The following ANKS1B variants were observed in gnomAD, a reference collection of about 807,000 sequenced individuals.
The protein encoded by ANKS1B is ankyrin repeat and sterile alpha motif domain-containing protein 1B.
A neutral mutation model predicts 148.3 loss-of-function variants in ANKS1B; 36 were observed. That is an observed-to-expected ratio of 0.24 (90% CI 0.19 to 0.32). The LOEUF (loss-of-function observed/expected upper bound fraction) is 0.32, where lower values mean the gene tolerates loss of function less well. ANKS1B is among the 10% of genes least tolerant of loss of function. The pLI is 1.00. For synonymous variants in ANKS1B, 542 were observed against 560.8 expected (o/e 0.97, Z 0.47); for missense variants, 1,157 against 1,542.6 (o/e 0.75, Z 4.19).
chr12:98,949,081 T>C (rs140106220), intron 17 of ANKS1B, among the ~76,000 whole-genome samples: 7,584 of 150,932 alleles, frequency 0.05, 269 homozygotes, highest in Non-Finnish European at 0.082. Context: ...GCCTCCCAAG[T>C]AGCTGGGACT....
At chr12:99,422,011 G>A (rs966635225) in intron 11 of ANKS1B, among the ~76,000 whole-genome samples, 18 of 152,124 alleles carry the variant, frequency 1.2e-4, no homozygotes, top group African/African-American at 4.3e-4. Flanking sequence ...TGCTCCCTTA[G>A]GCCTCCCCAG....
At chr12:98,747,591 A>T (rs2097923692) in intron 26 of ANKS1B, among the ~76,000 whole-genome samples, 1 of 152,194 alleles carries the variant, frequency 6.6e-6, no homozygotes, top group African/African-American at 2.4e-5. Flanking sequence ...TGTTCCAGCA[A>T]CCCCACTACT....
At chr12:99,966,291 G>A (rs2095483289) in intron 1 of ANKS1B, among the ~76,000 whole-genome samples, 1 of 152,100 alleles carries the variant, frequency 6.6e-6, no homozygotes, top group South Asian at 2.1e-4. Flanking sequence ...AAAGTATTCT[G>A]GGGTGATTAG....
At chr12:99,941,869 C>T (rs190638255) in intron 1 of ANKS1B, among the ~76,000 whole-genome samples, 50 of 152,214 alleles carry the variant, frequency 3.3e-4, no homozygotes, top group African/African-American at 1.1e-3. Context: ...GATGGCATCA[C>T]CATGCAGAGA....
chr12:99,811,544 C>T (rs995187756), intron 3 of ANKS1B, among the ~76,000 whole-genome samples: 1 of 151,672 alleles, frequency 6.6e-6, no homozygotes, highest in African/African-American at 2.4e-5. Context: ...AAAATATGTC[C>T]ATTATGTGTA....
At chr12:99,384,976 GA>G (rs922815316) in intron 12 of ANKS1B, among the ~76,000 whole-genome samples, 1 of 151,950 alleles carries the variant, frequency 6.6e-6, no homozygotes, top group Non-Finnish European at 1.5e-5. Context: ...GGCTTTTTTA[GA>G]AAATTTGATA....
At chr12:99,028,426 AGT>A (rs1241810948) in intron 17 of ANKS1B, among the ~76,000 whole-genome samples, 10 of 152,210 alleles carry the variant, frequency 6.6e-5, no homozygotes, top group Non-Finnish European at 1.3e-4. Context: ...GTCAAAGGAC[AGT>A]GTGTTTTTAA....
intron 15 of ANKS1B, among the ~76,000 whole-genome samples, chr12:99,142,786 T>C (rs2071429639): frequency 6.6e-6 from 1 of 152,152 alleles, no homozygotes; most frequent in African/African-American, 2.4e-5. Flanking sequence ...CACTGCTATT[T>C]ATTCAGCAGT....
intron 14 of ANKS1B, among the ~76,000 whole-genome samples, chr12:99,236,545 C>T (rs932849631): frequency 6.6e-6 from 1 of 152,130 alleles, no homozygotes; most frequent in Non-Finnish European, 1.5e-5. Flanking sequence ...GGGAACCAAC[C>T]CCATGATCCA....
chr12:99,841,135 G>C (rs2085677229), intron 1 of ANKS1B, among the ~76,000 whole-genome samples: 1 of 151,988 alleles, frequency 6.6e-6, no homozygotes, highest in African/African-American at 2.4e-5. Context: ...GAATATACCA[G>C]TAATAGCTAG....
At chr12:99,430,771 T>C (rs1594681333) in intron 11 of ANKS1B, among the ~76,000 whole-genome samples, 1 of 152,212 alleles carries the variant, frequency 6.6e-6, no homozygotes, top group East Asian at 1.9e-4. Flanking sequence ...GTAGGTTGGC[T>C]AGCTGTGCCA....
At chr12:99,217,831 A>T (rs371087173) in intron 14 of ANKS1B, among the ~76,000 whole-genome samples, 1 of 152,186 alleles carries the variant, frequency 6.6e-6, no homozygotes, top group African/African-American at 2.4e-5. Context: ...ATCTAAAAAG[A>T]GGTTGTATTA....
intron 17 of ANKS1B, among the ~76,000 whole-genome samples, chr12:99,012,420 T>A (rs2153415019): frequency 6.6e-6 from 1 of 152,342 alleles, no homozygotes; most frequent in African/African-American, 2.4e-5. Context: ...GTTTCACTAC[T>A]GCAATTTCTA....
intron 17 of ANKS1B, among the ~76,000 whole-genome samples, chr12:98,953,922 C>G (rs2099858178): frequency 6.6e-6 from 1 of 152,178 alleles, no homozygotes; most frequent in Admixed American, 6.5e-5. Flanking sequence ...CAAGGTCCAG[C>G]TCATGTCTCA....
chr12:98,880,601 C>T (rs1244931176), intron 17 of ANKS1B, among the ~76,000 whole-genome samples: 1 of 151,990 alleles, frequency 6.6e-6, no homozygotes, highest in East Asian at 1.9e-4. Flanking sequence ...CCCATCTCTA[C>T]TAAAAATACA....
chr12:99,632,399 A>G (rs956485273), intron 9 of ANKS1B, among the ~76,000 whole-genome samples: 12 of 151,948 alleles, frequency 7.9e-5, no homozygotes, highest in African/African-American at 2.9e-4. Context: ...GTGGGGTTGG[A>G]GCTGCTGCAG....
chr12:99,840,234 A>G (rs1158277347), intron 1 of ANKS1B, among the ~76,000 whole-genome samples: 8 of 152,152 alleles, frequency 5.3e-5, no homozygotes, highest in African/African-American at 1.4e-4. Flanking sequence ...TTGGAAGAAC[A>G]TTTTAGGAAG....
At chr12:98,895,119 C>G (rs1182233170) in intron 17 of ANKS1B, 2 of 985,210 alleles carry the variant, frequency 2.0e-6, no homozygotes, top group Non-Finnish European at 2.4e-6. Flanking sequence ...GCTTGGCCGC[C>G]GGGGAGGGCT....
rs112794787 is a variant in ANKS1B, at chr12:99,492,218, A to C, written c.1438+12258T>G. On this transcript the variant is annotated intron_variant, in intron 10 of 26. Transcript: ENST00000683438. Reference sequence around the variant, plus strand: ...AACACAATCAGACATGACAAAGAGGATGTTACCACTGACCCCACAGAAATG... The same window carrying C: ...AACACAATCAGACATGACAAAGAGGCTGTTACCACTGACCCCACAGAAATG... 1.9e-3 allele frequency among the ~76,000 whole-genome samples: 291 copies of C among 152,264 alleles called. 2 individuals are homozygous for C. The highest frequency in any genetic ancestry group is 6.6e-3 in the African/African-American group (273 of 41,552).
Sources: gnomAD v4.1 joint callset for allele counts (sites outside exome capture counted in the v4.1 genomes callset) on GRCh38, gnomAD v4.1.1 for gene constraint, MANE v1.5 for transcripts, NCBI Gene and HGNC (gene_info 2026-07-23, HGNC 2026-07-21) for gene names.